SHISA6: variants seen among roughly 807,000 people sequenced by gnomAD.
SHISA6 encodes shisa family member 6, also known as protein shisa-6.
A neutral mutation model predicts 47.9 loss-of-function variants in SHISA6; 22 were observed. The observed-to-expected ratio is 0.46, with a 90% CI of 0.33 to 0.66. The LOEUF is 0.66. Ranked by LOEUF, SHISA6 falls within the 30% of genes least tolerant of loss-of-function variation. The probability of loss-of-function intolerance (pLI) is 0.02; values close to 1 mark genes in which losing one functional copy is unlikely to be tolerated. For missense variants in SHISA6, 680 were observed against 764.6 expected (o/e 0.89, Z 1.30); for synonymous variants, 388 against 337.8 (o/e 1.15, Z -1.63).
At chr17:11,301,457 G>A (rs1011919944) in intron 2 of SHISA6, among the ~76,000 whole-genome samples, 1 of 152,172 alleles carries the variant, frequency 6.6e-6, no homozygotes, top group Non-Finnish European at 1.5e-5. Context: ...AATGATTGCA[G>A]CACTTTGGGT....
chr17:11,350,357 A>T (rs55889879), intron 2 of SHISA6, among the ~76,000 whole-genome samples: 118,331 of 119,260 alleles, frequency 0.99, 58,726 homozygotes, highest in South Asian at 1. Context: ...TTTTTTTGTC[A>T]TTTTAGTAGA....
intron 3 of SHISA6, among the ~76,000 whole-genome samples, chr17:11,428,997 G>C (rs1237342273): frequency 1.3e-5 from 2 of 152,070 alleles, no homozygotes; most frequent in Admixed American, 6.5e-5. Context: ...TGTTAGCCAG[G>C]ATGGTCTCAT....
At chr17:11,515,747 G>A (rs1441030578) in intron 3 of SHISA6, among the ~76,000 whole-genome samples, 1 of 152,258 alleles carries the variant, frequency 6.6e-6, no homozygotes, top group East Asian at 1.9e-4. Flanking sequence ...CTCAGATTCT[G>A]AGCAGGGAAC....
At chr17:11,440,148 A>T in intron 3 of SHISA6, among the ~76,000 whole-genome samples, 1 of 152,308 alleles carries the variant, frequency 6.6e-6, no homozygotes, top group Middle Eastern at 3.4e-3. Flanking sequence ...AGAAACAAGA[A>T]AGACCAAGAT....
At chr17:11,470,531 C>T (rs1274208167) in intron 3 of SHISA6, among the ~76,000 whole-genome samples, 2 of 152,228 alleles carry the variant, frequency 1.3e-5, no homozygotes, top group African/African-American at 2.4e-5. Flanking sequence ...TTCTCGTCTG[C>T]AAGTATGATG....
At chr17:11,496,050 A>T (rs1415621915) in intron 3 of SHISA6, among the ~76,000 whole-genome samples, 4 of 151,878 alleles carry the variant, frequency 2.6e-5, no homozygotes, top group Non-Finnish European at 5.9e-5. Flanking sequence ...CAGATTAATG[A>T]TGGCCTACTC....
At position 11,560,719 on chromosome 17, in the gene SHISA6, C is replaced by T. The variant is rs1325913689; in HGVS notation, c.*2415C>T. 1 of 152,222 alleles carries T rather than the reference C, an allele frequency of 6.6e-6. No individual in the cohort carries two copies. Among genetic ancestry groups the T allele is most frequent in the Non-Finnish European group, 1.5e-5 (1 of 68,072 alleles). 9.4% of individuals were successfully genotyped at this position (152,222 alleles called of 1,614,324 possible). On this transcript the variant is annotated 3_prime_UTR_variant, in exon 6 of 6. Transcript: ENST00000441885. ...TTTCCCCAGGGGTCCTCCCCAAGCC[C>T]TGTCTCTGACAGGGTTTCTGTCTCT... is the stretch of plus-strand genomic sequence containing the variant.
intron 2 of SHISA6, among the ~76,000 whole-genome samples, chr17:11,297,645 CT>C (rs1320329499): frequency 6.6e-6 from 1 of 152,202 alleles, no homozygotes; most frequent in Non-Finnish European, 1.5e-5. Flanking sequence ...ACAAAGGAGA[CT>C]GGGCAATACA....
chr17:11,489,940 A>G (rs1156925524), intron 3 of SHISA6, among the ~76,000 whole-genome samples: 1 of 152,238 alleles, frequency 6.6e-6, no homozygotes, highest in African/African-American at 2.4e-5. Flanking sequence ...CCAGGCTGAG[A>G]AATCCTGGCT....
At chr17:11,524,964 G>A (rs752142407) in intron 3 of SHISA6, among the ~76,000 whole-genome samples, 9 of 152,164 alleles carry the variant, frequency 5.9e-5, no homozygotes, top group Non-Finnish European at 1.5e-5. Flanking sequence ...GAGATGACGG[G>A]GGGGTAGATG....
intron 3 of SHISA6, among the ~76,000 whole-genome samples, chr17:11,399,411 T>A (rs1446133974): frequency 6.6e-6 from 1 of 152,166 alleles, no homozygotes; most frequent in Non-Finnish European, 1.5e-5. Context: ...GTCCATTTTT[T>A]AAAATTTTTG....
chr17:11,299,520 G>A (rs543580610), intron 2 of SHISA6, among the ~76,000 whole-genome samples: 1 of 152,204 alleles, frequency 6.6e-6, no homozygotes, highest in Admixed American at 6.5e-5. Flanking sequence ...ACATTTCTGG[G>A]CCAGAAGTCC....
intron 3 of SHISA6, among the ~76,000 whole-genome samples, chr17:11,507,491 A>G (rs1048199419): frequency 6.6e-6 from 1 of 152,240 alleles, no homozygotes; most frequent in Non-Finnish European, 1.5e-5. Flanking sequence ...TTGGGCAATA[A>G]GAGATGTCTT....
chr17:11,552,998 G>A (rs2071944174), intron 4 of SHISA6, among the ~76,000 whole-genome samples: 1 of 152,194 alleles, frequency 6.6e-6, no homozygotes, highest in African/African-American at 2.4e-5. Context: ...CTTACTAACT[G>A]AATGTGGCTG....
At chr17:11,556,190 C>T (rs912370608) in intron 5 of SHISA6, among the ~76,000 whole-genome samples, 3 of 152,112 alleles carry the variant, frequency 2.0e-5, no homozygotes, top group Admixed American at 1.3e-4. Flanking sequence ...CTCCCAGTCC[C>T]GCACGCAACT....
intron 3 of SHISA6, among the ~76,000 whole-genome samples, chr17:11,403,746 T>C (rs1322824229): frequency 6.6e-6 from 1 of 152,250 alleles, no homozygotes; most frequent in Non-Finnish European, 1.5e-5. Context: ...TAGTACCTAA[T>C]TACATAGGAT....
chr17:11,295,751 C>A (rs1190848840), intron 2 of SHISA6, among the ~76,000 whole-genome samples: 1 of 152,016 alleles, frequency 6.6e-6, no homozygotes, highest in Non-Finnish European at 1.5e-5. Context: ...GTCATGAGGT[C>A]AGGAGATTAA....
chr17:11,346,096 G>A (rs1911692159), intron 2 of SHISA6, among the ~76,000 whole-genome samples: 2 of 152,154 alleles, frequency 1.3e-5, no homozygotes, highest in African/African-American at 2.4e-5. Context: ...TTTCATAGAT[G>A]CTCTTTGCAA....
intron 3 of SHISA6, among the ~76,000 whole-genome samples, chr17:11,521,925 TTGAG>T (rs2071633158): frequency 1.3e-5 from 2 of 152,022 alleles, no homozygotes; most frequent in Admixed American, 6.6e-5. Flanking sequence ...AGTTTTTACA[TTGAG>T]TGTTTTTCTA....
Sources: allele counts gnomAD v4.1 joint callset (sites outside exome capture counted in the v4.1 genomes callset), GRCh38; gene constraint gnomAD v4.1.1; transcripts MANE v1.5; gene names NCBI Gene and HGNC (gene_info 2026-07-23, HGNC 2026-07-21).